MSI2: variants seen among roughly 807,000 people sequenced by gnomAD.
MSI2 encodes musashi RNA binding protein 2.
MSI2 carries 17 observed loss-of-function variants against 45.6 expected under a neutral mutation model. The ratio of observed to expected loss-of-function variants is 0.37; its 90% confidence interval spans 0.26 to 0.56. MSI2 has a LOEUF of 0.56. MSI2 is among the 20% of genes least tolerant of loss of function. The pLI, the probability that MSI2 is intolerant of heterozygous loss-of-function variation, is 0.77. For synonymous variants in MSI2, 156 were observed against 158.2 expected (o/e 0.99, Z 0.11); for missense variants, 293 against 444.2 (o/e 0.66, Z 3.06).
At chr17:57,392,082 G>T (rs962265750) in intron 5 of MSI2, among the ~76,000 whole-genome samples, 1 of 152,192 alleles carries the variant, frequency 6.6e-6, no homozygotes, top group African/African-American at 2.4e-5. Context: ...CGGAATGACG[G>T]CTAGCCAGCC....
At chr17:57,402,611 A>T (rs1226461913) in intron 6 of MSI2, among the ~76,000 whole-genome samples, 1 of 152,186 alleles carries the variant, frequency 6.6e-6, no homozygotes, top group African/African-American at 2.4e-5. Context: ...CCCTGTCCCC[A>T]GGTGTGTCTG....
rs186013185 is a variant in MSI2, at chr17:57,516,175, C to G, written c.406-13501C>G. Among the ~76,000 whole-genome samples, 185 of 152,310 alleles carry G rather than the reference C, an allele frequency of 1.2e-3. 1 individual carries two copies. The highest frequency in any genetic ancestry group is 4.2e-3 in the African/African-American group (176 of 41,562). ...AACTGTTCCATCACCCCAACAAACTCCTTGTGTTTCTCCTTAATAGTTACA... is the reference window on the plus strand; with the variant it reads ...AACTGTTCCATCACCCCAACAAACTGCTTGTGTTTCTCCTTAATAGTTACA... On this transcript the variant is annotated intron_variant, in intron 6 of 13. Coordinates refer to ENST00000284073, the MANE Select transcript of MSI2 (RefSeq NM_138962.4).
At chr17:57,649,662 T>C (rs774595520) in intron 10 of MSI2, among the ~76,000 whole-genome samples, 30 of 151,934 alleles carry the variant, frequency 2.0e-4, no homozygotes, top group Non-Finnish European at 3.7e-4. Flanking sequence ...GGGAACTCAG[T>C]ATCAGGGGCC....
At chr17:57,270,339 T>A (rs1908244651) in intron 5 of MSI2, among the ~76,000 whole-genome samples, 1 of 152,170 alleles carries the variant, frequency 6.6e-6, no homozygotes. Context: ...ATAGAACTAG[T>A]AAGGTTCAGG....
intron 5 of MSI2, among the ~76,000 whole-genome samples, chr17:57,310,284 G>C (rs1019155146): frequency 6.6e-6 from 1 of 152,136 alleles, no homozygotes; most frequent in East Asian, 1.9e-4. Flanking sequence ...GAATGACAGC[G>C]GGCCTGAGAG....
At chr17:57,362,592 C>T (rs1484054180) in intron 5 of MSI2, among the ~76,000 whole-genome samples, 1 of 152,004 alleles carries the variant, frequency 6.6e-6, no homozygotes, top group African/African-American at 2.4e-5. Context: ...AAGTTTTAGT[C>T]CATAAATTTT....
intron 5 of MSI2, among the ~76,000 whole-genome samples, chr17:57,361,091 C>G (rs1916779743): frequency 6.6e-6 from 1 of 152,122 alleles, no homozygotes; most frequent in Non-Finnish European, 1.5e-5. Context: ...ATGTTGTGCA[C>G]AGTTAATATG....
chr17:57,291,290 G>A (rs1910396417), intron 5 of MSI2, among the ~76,000 whole-genome samples: 1 of 152,190 alleles, frequency 6.6e-6, no homozygotes, highest in African/African-American at 2.4e-5. Flanking sequence ...TTTTCGCTGT[G>A]TACATGTGTG....
At chr17:57,286,375 G>T (rs189366025) in intron 5 of MSI2, among the ~76,000 whole-genome samples, 1 of 152,046 alleles carries the variant, frequency 6.6e-6, no homozygotes, top group Admixed American at 6.5e-5. Context: ...CATTTTCCTC[G>T]ACGGTCGCTA....
intron 7 of MSI2, among the ~76,000 whole-genome samples, chr17:57,594,488 G>A (rs1414782181): frequency 6.6e-6 from 1 of 152,186 alleles, no homozygotes; most frequent in Non-Finnish European, 1.5e-5. Flanking sequence ...AACTGAAAGT[G>A]CTTAAAGGAG....
At chr17:57,359,662 G>A (rs17821487) in intron 5 of MSI2, among the ~76,000 whole-genome samples, 72,300 of 152,038 alleles carry the variant, frequency 0.48, 19,911 homozygotes, top group Middle Eastern at 0.68. Flanking sequence ...CAAACTATAG[G>A]ATCCTGGCAG....
At chr17:57,439,647 C>T (rs533554195) in intron 6 of MSI2, among the ~76,000 whole-genome samples, 1 of 151,960 alleles carries the variant, frequency 6.6e-6, no homozygotes, top group Admixed American at 6.5e-5. Context: ...CAACCTCTGC[C>T]TCCCGGGTTC....
intron 6 of MSI2, among the ~76,000 whole-genome samples, chr17:57,509,308 G>C (rs1470208793): frequency 1.3e-5 from 2 of 152,140 alleles, no homozygotes; most frequent in African/African-American, 2.4e-5. Flanking sequence ...GGAGTGAGGG[G>C]GAGAGTGAGG....
At chr17:57,319,647 C>A (rs1427304346) in intron 5 of MSI2, among the ~76,000 whole-genome samples, 1 of 152,148 alleles carries the variant, frequency 6.6e-6, no homozygotes, top group Non-Finnish European at 1.5e-5. Context: ...GGGTCTCACT[C>A]TGTTGCCCAG....
chr17:57,395,133 C>T (rs1325626616), intron 5 of MSI2, among the ~76,000 whole-genome samples: 2 of 152,224 alleles, frequency 1.3e-5, no homozygotes, highest in African/African-American at 2.4e-5. Context: ...TTCATCTGCA[C>T]ATGGCCACCT....
intron 6 of MSI2, among the ~76,000 whole-genome samples, chr17:57,453,092 C>T (rs1174278951): frequency 6.6e-6 from 1 of 151,238 alleles, no homozygotes; most frequent in Non-Finnish European, 1.5e-5. Context: ...CAACCTCCAC[C>T]TCCTGGGTTC....
intron 6 of MSI2, among the ~76,000 whole-genome samples, chr17:57,420,329 A>G (rs2143285274): frequency 6.6e-6 from 1 of 152,192 alleles, no homozygotes; most frequent in African/African-American, 2.4e-5. Context: ...GGCTCTCACG[A>G]TTTTTATTTG....
At chr17:57,570,856 G>A (rs957980159) in intron 7 of MSI2, among the ~76,000 whole-genome samples, 5 of 152,272 alleles carry the variant, frequency 3.3e-5, no homozygotes, top group East Asian at 1.9e-4. Flanking sequence ...CTGGCAGGCC[G>A]ATCTGGCAGG....
chr17:57,331,509 C>T (rs1244910686), intron 5 of MSI2, among the ~76,000 whole-genome samples: 3 of 152,138 alleles, frequency 2.0e-5, no homozygotes, highest in East Asian at 3.9e-4. Flanking sequence ...GGGTGAGCCA[C>T]GTGAGGGTTG....
Sources: allele counts gnomAD v4.1 joint callset (sites outside exome capture counted in the v4.1 genomes callset), GRCh38; gene constraint gnomAD v4.1.1; transcripts MANE v1.5; gene names NCBI Gene and HGNC (gene_info 2026-07-23, HGNC 2026-07-21).